MYT1L: variants seen among roughly 807,000 people sequenced by gnomAD.
The protein encoded by MYT1L is myelin transcription factor 1 like, also known as myelin transcription factor 1-like protein.
MYT1L carries 12 observed loss-of-function variants against 126.7 expected under a neutral mutation model. The ratio of observed to expected loss-of-function variants is 0.09; its 90% CI spans 0.06 to 0.15. The LOEUF (loss-of-function observed/expected upper bound fraction) is 0.15, where lower values mean the gene tolerates loss of function less well. MYT1L is among the 10% of genes least tolerant of loss of function. MYT1L has a pLI of 1.00. For synonymous variants in MYT1L, 541 were observed against 604.2 expected (o/e 0.90, Z 1.53); for missense variants, 979 against 1,585.2 (o/e 0.62, Z 6.49).
chr2:2,287,299 C>T (rs2095536089), intron 1 of MYT1L, among the ~76,000 whole-genome samples: 1 of 151,990 alleles, frequency 6.6e-6, no homozygotes, highest in African/African-American at 2.4e-5. Flanking sequence ...TCAGATAATC[C>T]TCAAGGAGCT....
At chr2:2,031,520 C>A (rs2066252229) in intron 4 of MYT1L, among the ~76,000 whole-genome samples, 1 of 148,720 alleles carries the variant, frequency 6.7e-6, no homozygotes, top group Non-Finnish European at 1.5e-5. Context: ...TATACACACC[C>A]CTCCCAAGTG....
At chr2:1,986,879 A>G (rs1252441066) in intron 5 of MYT1L, among the ~76,000 whole-genome samples, 1 of 152,176 alleles carries the variant, frequency 6.6e-6, no homozygotes, top group Non-Finnish European at 1.5e-5. Flanking sequence ...TGCATTTCCA[A>G]TCACAGCGTG....
chr2:1,860,666 CTG>C (rs2148613035), intron 18 of MYT1L, among the ~76,000 whole-genome samples: 1 of 152,308 alleles, frequency 6.6e-6, no homozygotes, highest in Non-Finnish European at 1.5e-5. Flanking sequence ...ATGTGTAAGA[CTG>C]AGCATCTCTA....
intron 4 of MYT1L, among the ~76,000 whole-genome samples, chr2:2,033,794 C>T (rs1185004835): frequency 6.6e-6 from 1 of 152,134 alleles, no homozygotes; most frequent in Non-Finnish European, 1.5e-5. Context: ...CTGGAGCAGC[C>T]CCAACGGCCC....
rs182556855 is a variant in MYT1L at position 1,996,957 on chromosome 2, C to T, written c.-1+234G>A. Among the ~76,000 whole-genome samples, 506 of 139,726 alleles carry T rather than the reference C, an allele frequency of 3.6e-3. 2 individuals are homozygous for T. The highest frequency in any genetic ancestry group is 0.013 in the African/African-American group (476 of 36,578). The allele number at this position is 139,726 out of a possible 152,430, so 91.7% of individuals were successfully genotyped here. The stretch of plus-strand genomic sequence containing the variant: ...GAGGGCTGCCCTGCCTCAGTGTGGG[C>T]TGCACAGAACCGAGTGTAGACGGGC... On this transcript the variant is annotated intron_variant, in intron 5 of 24. Coordinates refer to ENST00000647738, the MANE Select transcript of MYT1L (RefSeq NM_001303052.2).
At chr2:1,844,549 G>A (rs762848491) in intron 19 of MYT1L, among the ~76,000 whole-genome samples, 1 of 152,176 alleles carries the variant, frequency 6.6e-6, no homozygotes, top group African/African-American at 2.4e-5. Context: ...TTGCGCCAAG[G>A]GAGAGAAGGA....
At chr2:2,267,695 A>G (rs2095167867) in intron 2 of MYT1L, among the ~76,000 whole-genome samples, 1 of 152,158 alleles carries the variant, frequency 6.6e-6, no homozygotes, top group South Asian at 2.1e-4. Context: ...GAAGAGACCC[A>G]GTGTGGTCAG....
At chr2:1,957,146 G>T (rs903926136) in intron 8 of MYT1L, among the ~76,000 whole-genome samples, 9 of 152,166 alleles carry the variant, frequency 5.9e-5, no homozygotes, top group Admixed American at 2.6e-4. Flanking sequence ...ATTGAGATAG[G>T]GTTCACTGGG....
intron 2 of MYT1L, among the ~76,000 whole-genome samples, chr2:2,274,147 A>G (rs2095316168): frequency 6.6e-6 from 1 of 152,174 alleles, no homozygotes; most frequent in Non-Finnish European, 1.5e-5. Flanking sequence ...GAAGAATTGT[A>G]ATGTTCCCAA....
At chr2:2,189,333 C>T (rs986138457) in intron 2 of MYT1L, among the ~76,000 whole-genome samples, 3 of 152,160 alleles carry the variant, frequency 2.0e-5, no homozygotes, top group Non-Finnish European at 2.9e-5. Flanking sequence ...CATGGCCTTT[C>T]GGGGGTCTTC....
Position 1,922,384 on chromosome 2 carries a change from A to G in MYT1L, c.1385T>C (p.Met462Thr). The change falls in exon 10 of 25, where the codon ATG (methionine) becomes ACG (threonine). Residue 462 changes from methionine (M) to threonine (T), a missense_variant. This residue lies in a region of MYT1L where 67 missense variants were observed against 80.3 expected (regional missense o/e 0.83). Transcript: ENST00000647738. The surrounding 1 kb of genome is among the most constrained non-coding windows in gnomAD (Gnocchi z 7.4). The stretch of plus-strand genomic sequence containing the variant: ...CGGAGACTGGTCCTCATATGACCTC[A>G]TATTGTCCCTCCTCCCAGCTTCCAT... Reference protein sequence around the residue: ...MAMEAGRRDNMRSYEDQSPRQ... With the variant: ...MAMEAGRRDNTRSYEDQSPRQ... 6.2e-7 allele frequency: 1 copy of G among 1,613,822 alleles called. No individual in the cohort carries two copies. Among genetic ancestry groups the G allele is most frequent in the East Asian group, 2.2e-5 (1 of 44,860 alleles).
intron 8 of MYT1L, among the ~76,000 whole-genome samples, chr2:1,967,793 C>A (rs1329709870): frequency 6.6e-6 from 1 of 152,112 alleles, no homozygotes; most frequent in Non-Finnish European, 1.5e-5. Context: ...AGGCCGCAGG[C>A]CCCGAGCCCT....
At chr2:2,058,345 C>T (rs1043869148) in intron 3 of MYT1L, among the ~76,000 whole-genome samples, 1 of 152,050 alleles carries the variant, frequency 6.6e-6, no homozygotes, top group Non-Finnish European at 1.5e-5. Flanking sequence ...TATTTGATTT[C>T]TAAGTATTTT....
intron 1 of MYT1L, among the ~76,000 whole-genome samples, chr2:2,314,255 A>G (rs1335672574): frequency 6.6e-6 from 1 of 152,234 alleles, no homozygotes; most frequent in Non-Finnish European, 1.5e-5. Context: ...CCTGCCATAT[A>G]TATTTATGTA....
chr2:2,162,823 C>T (rs1465869200), intron 3 of MYT1L, among the ~76,000 whole-genome samples: 1 of 152,198 alleles, frequency 6.6e-6, no homozygotes, highest in Non-Finnish European at 1.5e-5. Context: ...ATCCTGGCCA[C>T]ATTTACAGGC....
At chr2:1,969,954 A>G (rs2059685439) in intron 8 of MYT1L, among the ~76,000 whole-genome samples, 1 of 152,226 alleles carries the variant, frequency 6.6e-6, no homozygotes, top group South Asian at 2.1e-4. Flanking sequence ...TGCAGGCAGC[A>G]GCATCCTAAG....
intron 1 of MYT1L, among the ~76,000 whole-genome samples, chr2:2,306,935 G>A (rs991282255): frequency 6.6e-6 from 1 of 152,168 alleles, no homozygotes; most frequent in Non-Finnish European, 1.5e-5. Flanking sequence ...CCTTGCTAAA[G>A]TTCAAAAGAA....
intron 2 of MYT1L, among the ~76,000 whole-genome samples, chr2:2,181,228 G>A (rs1294520944): frequency 6.6e-6 from 1 of 151,784 alleles, no homozygotes; most frequent in Non-Finnish European, 1.5e-5. Flanking sequence ...GCCTGTGTGT[G>A]TACCTGTGTA....
At chr2:1,996,129 G>A (rs879936579) in intron 5 of MYT1L, among the ~76,000 whole-genome samples, 4 of 152,232 alleles carry the variant, frequency 2.6e-5, no homozygotes, top group Non-Finnish European at 4.4e-5. Flanking sequence ...TAAGGAAGTG[G>A]TTTGTGGACA....
Sources: gnomAD v4.1 joint callset for allele counts (sites outside exome capture counted in the v4.1 genomes callset) on GRCh38, gnomAD v4.1.1 for gene constraint, gnomAD v4.1.1 regional missense constraint, Gnocchi (gnomAD v3.1) non-coding constraint, MANE v1.5 for transcripts, NCBI Gene and HGNC (gene_info 2026-07-23, HGNC 2026-07-21) for gene names.